The following DMXL2 variants were observed in gnomAD, a reference collection of about 807,000 sequenced individuals.
The protein encoded by DMXL2 is dmX-like protein 2.
A neutral mutation model predicts 331.1 loss-of-function variants in DMXL2; 103 were observed. That is an observed-to-expected ratio of 0.31 (90% CI 0.27 to 0.37). The LOEUF (loss-of-function observed/expected upper bound fraction) is 0.37. Among genes scored for constraint, DMXL2 ranks in the 10% least tolerant of loss-of-function variants. DMXL2 has a pLI of 1.00. For synonymous variants in DMXL2, 1,281 were observed against 1,252.1 expected (o/e 1.02, Z -0.49); for missense variants, 3,171 against 3,642.9 (o/e 0.87, Z 3.33).
chr15:51,489,499 C>A (rs7171439), intron 20 of DMXL2, among the ~76,000 whole-genome samples: 75,289 of 151,676 alleles, frequency 0.5, 18,927 homozygotes, highest in Non-Finnish European at 0.52. Flanking sequence ...TCTACTAATA[C>A]TACAAAAATT....
chr15:51,511,632 C>G (rs2046760638), intron 15 of DMXL2, among the ~76,000 whole-genome samples: 1 of 152,168 alleles, frequency 6.6e-6, no homozygotes, highest in Admixed American at 6.5e-5. Context: ...GACAGTGTGG[C>G]AATTCCTGAA....
chr15:51,538,271 T>G lies in DMXL2; in HGVS notation c.1287A>C (p.Glu429Asp). The G allele has an allele frequency of 6.2e-7, 1 of 1,613,860 alleles. No individual in the cohort carries two copies. Among genetic ancestry groups the G allele is most frequent in the Non-Finnish European group, 8.5e-7 (1 of 1,179,830 alleles). ...TATCCTCCTGTGAATGTTCCTCATCTTCTCTATCTGCATCATCATTTTCAT... is the reference window on the plus strand; with the variant it reads ...TATCCTCCTGTGAATGTTCCTCATCGTCTCTATCTGCATCATCATTTTCAT... ...VDHENDDADR[E>D]DEEHSQEDRE... Residue 429 changes from glutamate to aspartate, a missense_variant, in exon 10 of 44, where the codon GAA becomes GAC. Coordinates refer to ENST00000560891, the MANE Select transcript of DMXL2 (RefSeq NM_001378457.1).
chr15:51,493,425 G>A (rs1000472852), intron 19 of DMXL2, among the ~76,000 whole-genome samples: 1 of 152,186 alleles, frequency 6.6e-6, no homozygotes, highest in Admixed American at 6.5e-5. Context: ...AGCAGTGAAT[G>A]TATTTGAAAA....
At chr15:51,514,649 A>C (rs2046932867) in intron 14 of DMXL2, 90 bp from the exon 15 acceptor site, 10 of 743,900 alleles carry the variant, frequency 1.3e-5, no homozygotes, top group Non-Finnish European at 2.1e-5. Context: ...GCTAATGCAG[A>C]AGAAATATAT....
intron 13 of DMXL2, among the ~76,000 whole-genome samples, chr15:51,534,190 A>G: frequency 6.6e-6 from 1 of 152,144 alleles, no homozygotes; most frequent in East Asian, 1.9e-4. Flanking sequence ...CTAATGAGAG[A>G]GGTCACAATA....
At chr15:51,502,298 T>C (rs1184597583) in intron 17 of DMXL2, among the ~76,000 whole-genome samples, 1 of 121,790 alleles carries the variant, frequency 8.2e-6, no homozygotes. Context: ...ACAGGAAATT[T>C]TGTGGGTTTG....
At chr15:51,490,170 A>G (rs1341597250) in intron 20 of DMXL2, among the ~76,000 whole-genome samples, 1 of 152,186 alleles carries the variant, frequency 6.6e-6, no homozygotes, top group African/African-American at 2.4e-5. Context: ...AGAAATACTG[A>G]TATTTTGTTG....
chr15:51,603,338 A>G (rs1016411376), intron 1 of DMXL2, among the ~76,000 whole-genome samples: 2 of 152,314 alleles, frequency 1.3e-5, no homozygotes, highest in East Asian at 3.9e-4. Flanking sequence ...ACGCAAACCT[A>G]TAAAAATGAA....
intron 1 of DMXL2, among the ~76,000 whole-genome samples, chr15:51,593,925 G>A (rs1422691484): frequency 6.6e-6 from 1 of 152,156 alleles, no homozygotes; most frequent in African/African-American, 2.4e-5. Flanking sequence ...AGTGTGTAGA[G>A]GGAAATTTAT....
intron 6 of DMXL2, among the ~76,000 whole-genome samples, chr15:51,549,938 T>C (rs952087651): frequency 6.6e-6 from 1 of 152,066 alleles, no homozygotes; most frequent in Non-Finnish European, 1.5e-5. Context: ...ACTGTTTCAT[T>C]TACTGTGCAG....
intron 3 of DMXL2, among the ~76,000 whole-genome samples, chr15:51,566,702 A>G (rs976092083): frequency 1.1e-4 from 17 of 152,230 alleles, no homozygotes; most frequent in Admixed American, 1.1e-3. Flanking sequence ...TAATGAAAAA[A>G]TACCAAAACC....
At chr15:51,461,868 A>G (rs780824067) in intron 33 of DMXL2, among the ~76,000 whole-genome samples, 14 of 152,182 alleles carry the variant, frequency 9.2e-5, no homozygotes, top group Non-Finnish European at 1.9e-4. Context: ...TCACTATCTT[A>G]GATTCCTATA....
intron 6 of DMXL2, among the ~76,000 whole-genome samples, chr15:51,550,644 T>C (rs931745097): frequency 2.0e-5 from 3 of 152,172 alleles, no homozygotes; most frequent in Non-Finnish European, 2.9e-5. Flanking sequence ...TTTAAATTAC[T>C]TGCAAATTTT....
intron 1 of DMXL2, among the ~76,000 whole-genome samples, chr15:51,601,584 G>A (rs2053233807): frequency 6.6e-6 from 1 of 152,170 alleles, no homozygotes; most frequent in Non-Finnish European, 1.5e-5. Flanking sequence ...ATCAACAAAT[G>A]TGTGGGTCTC....
chr15:51,491,456 T>A (rs2140436269), intron 20 of DMXL2, 122 bp downstream of exon 20: 2 of 934,524 alleles, frequency 2.1e-6, no homozygotes, highest in African/African-American at 1.7e-5. Flanking sequence ...AAAAAAAAAA[T>A]TCTCAAGACC....
intron 1 of DMXL2, among the ~76,000 whole-genome samples, chr15:51,616,782 C>A (rs953245670): frequency 6.6e-6 from 1 of 151,750 alleles, no homozygotes; most frequent in Admixed American, 6.6e-5. Context: ...ACTAAAAATA[C>A]AAAAATTAGC....
chr15:51,592,584 T>C (rs1435023089), intron 1 of DMXL2, among the ~76,000 whole-genome samples: 1 of 152,114 alleles, frequency 6.6e-6, no homozygotes, highest in East Asian at 1.9e-4. Context: ...AAGATACTCC[T>C]TGACAAGAGC....
intron 13 of DMXL2, among the ~76,000 whole-genome samples, chr15:51,525,642 T>G (rs1466858340): frequency 1.3e-5 from 2 of 152,078 alleles, no homozygotes; most frequent in Admixed American, 6.5e-5. Flanking sequence ...TAAGAAAACA[T>G]TGGTAGTAGT....
chr15:51,560,704 A>C (rs35455221), intron 6 of DMXL2, among the ~76,000 whole-genome samples: 1 of 151,006 alleles, frequency 6.6e-6, no homozygotes, highest in Non-Finnish European at 1.5e-5. Flanking sequence ...AAAGAAAAAC[A>C]CAAACTCTGT....
Sources: allele counts gnomAD v4.1 joint callset (sites outside exome capture counted in the v4.1 genomes callset), GRCh38; gene constraint gnomAD v4.1.1; transcripts MANE v1.5; gene names NCBI Gene and HGNC (gene_info 2026-07-23, HGNC 2026-07-21).